The following GABRG1 variants were observed in gnomAD, a reference collection of about 807,000 sequenced individuals.
The protein encoded by GABRG1 is gamma-aminobutyric acid receptor subunit gamma-1.
In GABRG1, 49 loss-of-function variants were observed where a neutral mutation model predicts 49.8. The ratio of observed to expected loss-of-function variants is 0.98; its 90% CI spans 0.78 to 1.25. GABRG1 has a LOEUF of 1.25. GABRG1 is among the 50% of genes most tolerant of loss of function. The probability of loss-of-function intolerance (pLI) is 0.00; values close to 1 mark genes in which losing one functional copy is unlikely to be tolerated. For missense variants in GABRG1, 552 were observed against 552.3 expected, an observed-to-expected ratio of 1.00 and a Z score of 0.01; for synonymous variants, 232 against 185.1, an observed-to-expected ratio of 1.25 and a Z score of -2.06.
chr4:46,096,917 G>T (rs1417446450), intron 2 of GABRG1, among the ~76,000 whole-genome samples: 2 of 151,550 alleles, frequency 1.3e-5, no homozygotes, highest in East Asian at 1.9e-4. Context: ...TCAAATATTA[G>T]CTCTTTTATG....
chr4:46,080,778 T>C lies in GABRG1; in HGVS notation c.321+3208A>G, dbSNP rs1426646147. Among the ~76,000 whole-genome samples the C allele has an allele frequency of 3.9e-5, 6 of 151,922 alleles. No homozygotes were observed. The East Asian group carries it at 1.2e-3, about 30-fold the overall frequency. ...AAACATAAACCCCAAACGAAAAATA[T>C]ACAATTCATGAAAATGCCAACATTC... On this transcript the variant is annotated intron_variant, in intron 3 of 8. Coordinates refer to ENST00000295452, the MANE Select transcript of GABRG1 (RefSeq NM_173536.4).
At chr4:46,084,316 T>C (rs1047306421) in intron 2 of GABRG1, among the ~76,000 whole-genome samples, 1 of 151,698 alleles carries the variant, frequency 6.6e-6, no homozygotes, top group Non-Finnish European at 1.5e-5. Flanking sequence ...TCTGTTATTG[T>C]GGCATGTTTT....
At chr4:46,090,957 C>T (rs952744220) in intron 2 of GABRG1, among the ~76,000 whole-genome samples, 49 of 71,506 alleles carry the variant, frequency 6.9e-4, no homozygotes, top group Non-Finnish European at 1.1e-3. Flanking sequence ...CACACACATA[C>T]ACACACACAC....
intron 8 of GABRG1, among the ~76,000 whole-genome samples, chr4:46,050,610 G>T (rs1356819262): frequency 1.3e-5 from 2 of 151,678 alleles, no homozygotes; most frequent in Non-Finnish European, 2.9e-5. Context: ...AAAAATAAAT[G>T]TCTATTTTTT....
intron 1 of GABRG1, among the ~76,000 whole-genome samples, chr4:46,108,956 T>C (rs1720640688): frequency 6.6e-6 from 1 of 151,008 alleles, no homozygotes. Context: ...ACAACACCCA[T>C]AGTGATGTTT....
chr4:46,068,001 T>A (rs926847253), intron 3 of GABRG1, among the ~76,000 whole-genome samples: 4 of 152,092 alleles, frequency 2.6e-5, no homozygotes, highest in Non-Finnish European at 5.9e-5. Flanking sequence ...TCAGGCCAGA[T>A]GTTTTGTCTT....
chr4:46,121,630 G>A (rs28473643), intron 1 of GABRG1, among the ~76,000 whole-genome samples: 10 of 151,782 alleles, frequency 6.6e-5, no homozygotes, highest in Admixed American at 5.3e-4. Flanking sequence ...AGTATATGAT[G>A]CATCTTAAAG....
chr4:46,062,110 A>G (rs1423318110), intron 5 of GABRG1, among the ~76,000 whole-genome samples: 1 of 141,374 alleles, frequency 7.1e-6, no homozygotes, highest in Non-Finnish European at 1.5e-5. Context: ...CCCATCTATG[A>G]GTGAGAACAT....
At position 46,038,638 on chromosome 4, in the gene GABRG1, A is replaced by G. The variant is rs1173580741; in HGVS notation, c.*2350T>C. On this transcript the variant is annotated 3_prime_UTR_variant, in exon 9 of 9. Transcript: ENST00000295452. Reference sequence around the variant, plus strand: ...ATGAACTGAATCAGCTTTGAAAAAAAGCTGTATTTGATTTCTTGAGAAAGA... The same window carrying G: ...ATGAACTGAATCAGCTTTGAAAAAAGGCTGTATTTGATTTCTTGAGAAAGA... 6.6e-6 allele frequency: 1 copy of G among 151,672 alleles called. No homozygotes were observed. Among genetic ancestry groups the G allele is most frequent in the African/African-American group, 2.4e-5 (1 of 41,426 alleles). The allele number at this position is 151,672 out of a possible 1,614,324, so 9.4% of individuals were successfully genotyped here.
chr4:46,094,272 TA>T (rs1339412360), intron 2 of GABRG1, among the ~76,000 whole-genome samples: 9 of 151,966 alleles, frequency 5.9e-5, no homozygotes, highest in Non-Finnish European at 1.2e-4. Context: ...AAAATGACTG[TA>T]AATGTCAAAC....
chr4:46,040,153 C>A lies in GABRG1; in HGVS notation c.*835G>T, dbSNP rs555057416. ...AACATAAAGAAAAAAATAATCATTT[C>A]TCTCTGCATTTAATTTGCATTAATG... is the stretch of plus-strand genomic sequence containing the variant. On this transcript the variant is annotated 3_prime_UTR_variant, in exon 9 of 9. Coordinates refer to ENST00000295452, the MANE Select transcript of GABRG1 (RefSeq NM_173536.4). The A allele has an allele frequency of 1.3e-5, 2 of 151,986 alleles. No homozygotes were observed. The highest frequency in any genetic ancestry group is 1.9e-4 in the East Asian group (1 of 5,178). 9.4% of individuals were successfully genotyped at this position (151,986 alleles called of 1,614,324 possible).
At chr4:46,067,361 G>A (rs1472927412) in intron 3 of GABRG1, among the ~76,000 whole-genome samples, 1 of 152,022 alleles carries the variant, frequency 6.6e-6, no homozygotes, top group Non-Finnish European at 1.5e-5. Context: ...ATGTAATTGA[G>A]TATGAGATGT....
chr4:46,040,396 T>A lies in GABRG1; in HGVS notation c.*592A>T, dbSNP rs2109389878. 6.6e-6 allele frequency: 1 copy of A among 152,470 alleles called. No individual in the cohort carries two copies. The highest frequency in any genetic ancestry group is 1.9e-4 in the East Asian group (1 of 5,166). 9.4% of individuals were successfully genotyped at this position (152,470 alleles called of 1,614,324 possible). A position where few individuals can be genotyped will look rare whatever the true frequency, so the allele number is the denominator to read the frequency against. On this transcript the variant is annotated 3_prime_UTR_variant, in exon 9 of 9. Transcript: ENST00000295452. ...AAAATGGACTGGATTAAAAGACAGG[T>A]AAAAATTGACCTTTTCATAAGTCTT...
intron 1 of GABRG1, among the ~76,000 whole-genome samples, chr4:46,117,600 C>CTTTCTGTCTGTCTCTCTTTG (rs1720942796): frequency 1.5e-5 from 2 of 137,812 alleles, no homozygotes; most frequent in African/African-American, 5.7e-5. Flanking sequence ...TTGTCTCTCT[C>CTTTCTGTCTGTCTCTCTTTG]TCTCTCTCTC....
At position 46,038,154 on chromosome 4, in the gene GABRG1, G is replaced by T. The variant is rs1717604292; in HGVS notation, c.*2834C>A. ...CTTACATCAAGACTTCAGACTTACT[G>T]GGAAATTTTTCCCTGTCCCTGCTAA... On this transcript the variant is annotated 3_prime_UTR_variant, in exon 9 of 9. Transcript: ENST00000295452. 6.6e-6 allele frequency: 1 copy of T among 151,538 alleles called. No homozygotes were observed. The highest frequency in any genetic ancestry group is 1.5e-5 in the Non-Finnish European group (1 of 67,668). 9.4% of individuals were successfully genotyped at this position (151,538 alleles called of 1,614,324 possible). A position where few individuals can be genotyped will look rare whatever the true frequency, so the allele number is the denominator to read the frequency against.
intron 8 of GABRG1, among the ~76,000 whole-genome samples, chr4:46,046,032 T>G (rs1717985139): frequency 6.6e-6 from 1 of 151,936 alleles, no homozygotes; most frequent in Non-Finnish European, 1.5e-5. Flanking sequence ...AAATCAGAAA[T>G]GGTTACAATG....
intron 5 of GABRG1, among the ~76,000 whole-genome samples, chr4:46,059,665 G>A (rs1029531839): frequency 1.3e-5 from 2 of 151,838 alleles, no homozygotes; most frequent in South Asian, 2.1e-4. Flanking sequence ...TGCTCCCCTC[G>A]GCCTCCCAAA....
intron 5 of GABRG1, among the ~76,000 whole-genome samples, chr4:46,058,875 T>C (rs1019246958): frequency 6.6e-6 from 1 of 152,068 alleles, no homozygotes; most frequent in South Asian, 2.1e-4. Context: ...ACCCAATATG[T>C]CCACCCCAAT....
chr4:46,075,672 A>G (rs559948112), intron 3 of GABRG1, among the ~76,000 whole-genome samples: 1 of 152,200 alleles, frequency 6.6e-6, no homozygotes, highest in South Asian at 2.1e-4. Context: ...CAGGGTGTAA[A>G]TATCTACAAA....
Sources: allele counts gnomAD v4.1 joint callset (sites outside exome capture counted in the v4.1 genomes callset), GRCh38; gene constraint gnomAD v4.1.1; transcripts MANE v1.5; gene names NCBI Gene and HGNC (gene_info 2026-07-23, HGNC 2026-07-21).